The following SGCZ variants were observed in gnomAD, a reference collection of about 807,000 sequenced individuals.
The protein encoded by SGCZ is sarcoglycan zeta.
A neutral mutation model predicts 41.3 loss-of-function variants in SGCZ; 40 were observed. The observed-to-expected ratio is 0.97, with a 90% confidence interval of 0.75 to 1.26. SGCZ has a LOEUF of 1.26. SGCZ is among the 50% of genes most tolerant of loss of function. The probability of loss-of-function intolerance (pLI) is 0.00; values close to 1 mark genes in which losing one functional copy is unlikely to be tolerated. For synonymous variants in SGCZ, 206 were observed against 137.5 expected (o/e 1.50, Z -3.49); for missense variants, 552 against 369.8 (o/e 1.49, Z -4.04).
chr8:15,071,718 C>A (rs1805355633), intron 1 of SGCZ, among the ~76,000 whole-genome samples: 1 of 152,052 alleles, frequency 6.6e-6, no homozygotes, highest in Admixed American at 6.6e-5. Flanking sequence ...AAAATAAAGA[C>A]CAGCTTTTGT....
At chr8:15,182,190 G>C (rs928078268) in intron 1 of SGCZ, among the ~76,000 whole-genome samples, 1 of 152,110 alleles carries the variant, frequency 6.6e-6, no homozygotes, top group South Asian at 2.1e-4. Flanking sequence ...TGTTTTTCCA[G>C]ATGCCAATAA....
chr8:14,608,873 T>A (rs529848140), intron 1 of SGCZ, among the ~76,000 whole-genome samples: 1 of 152,290 alleles, frequency 6.6e-6, no homozygotes, highest in Admixed American at 6.5e-5. Flanking sequence ...AAGGTCCAAC[T>A]TTTTCTAAGA....
intron 1 of SGCZ, among the ~76,000 whole-genome samples, chr8:14,932,674 T>C (rs902169130): frequency 2.6e-5 from 4 of 152,030 alleles, no homozygotes; most frequent in African/African-American, 9.7e-5. Context: ...TAGTGTAGGA[T>C]TGTGGATCCA....
At chr8:14,161,459 T>C (rs1400432498) in intron 5 of SGCZ, 2 of 152,156 alleles carry the variant, frequency 1.3e-5, no homozygotes, top group Non-Finnish European at 2.9e-5. Context: ...GACACAGAAA[T>C]GTGATTGGAT....
intron 1 of SGCZ, among the ~76,000 whole-genome samples, chr8:14,607,699 A>T (rs756757917): frequency 6.6e-6 from 1 of 152,208 alleles, no homozygotes; most frequent in Non-Finnish European, 1.5e-5. Context: ...AACTCGTGGG[A>T]TCTACACAAT....
rs551931894 is a variant in SGCZ at position 14,122,145 on chromosome 8, C to T, written c.548-13910G>A. ...ACAAAAAAATAGCCGCGCATGGCGG[C>T]AGGCGCCTGTAGTCCCAGCTACTCG... On this transcript the variant is annotated intron_variant, in intron 5 of 7. Coordinates refer to ENST00000382080, the MANE Select transcript of SGCZ (RefSeq NM_139167.4). Among the ~76,000 whole-genome samples the T allele has an allele frequency of 7.8e-3, 1,192 of 152,272 alleles. 16 individuals carry two copies. The highest frequency in any genetic ancestry group is 0.027 in the African/African-American group (1,136 of 41,554).
chr8:14,388,580 G>A (rs10100855), intron 2 of SGCZ, among the ~76,000 whole-genome samples: 55,236 of 151,766 alleles, frequency 0.36, 11,025 homozygotes, highest in African/African-American at 0.54. Context: ...TTTATGGTAC[G>A]AGAACTTCAA....
chr8:14,337,379 C>G (rs2081667), intron 2 of SGCZ, among the ~76,000 whole-genome samples: 107,931 of 151,900 alleles, frequency 0.71, 38,810 homozygotes, highest in South Asian at 0.86. Context: ...ATCAGCAAGA[C>G]GAGGGAGAGA....
At chr8:14,749,814 G>A (rs1489442846) in intron 1 of SGCZ, among the ~76,000 whole-genome samples, 2 of 151,698 alleles carry the variant, frequency 1.3e-5, no homozygotes, top group African/African-American at 2.4e-5. Flanking sequence ...ACTGGAAGAC[G>A]GAATTTTTAA....
intron 2 of SGCZ, among the ~76,000 whole-genome samples, chr8:14,453,684 C>A (rs116043441): frequency 0.021 from 3,168 of 152,288 alleles, 108 homozygotes; most frequent in African/African-American, 0.07. Flanking sequence ...AAGCAGCATG[C>A]TAATCCCTAC....
chr8:14,784,372 T>C (rs1393284859), intron 1 of SGCZ, among the ~76,000 whole-genome samples: 1 of 150,754 alleles, frequency 6.6e-6, no homozygotes, highest in Non-Finnish European at 1.5e-5. Flanking sequence ...TATGTATATA[T>C]ATGCATCTTA....
intron 1 of SGCZ, among the ~76,000 whole-genome samples, chr8:14,811,276 A>G (rs917570501): frequency 1.3e-5 from 2 of 152,010 alleles, no homozygotes; most frequent in Admixed American, 1.3e-4. Flanking sequence ...CTTACAATAA[A>G]AATTTATTCC....
At chr8:14,258,882 C>T (rs1799555775) in intron 3 of SGCZ, among the ~76,000 whole-genome samples, 1 of 152,148 alleles carries the variant, frequency 6.6e-6, no homozygotes, top group Non-Finnish European at 1.5e-5. Context: ...TTCATGCTTG[C>T]AACTAACTTC....
intron 3 of SGCZ, among the ~76,000 whole-genome samples, chr8:14,303,601 C>T (rs928483087): frequency 1.8e-4 from 28 of 152,138 alleles, no homozygotes; most frequent in African/African-American, 5.8e-4. Context: ...ATATTACAAC[C>T]GAATGACTCT....
chr8:15,000,099 C>T (rs1170569025), intron 1 of SGCZ, among the ~76,000 whole-genome samples: 2 of 152,108 alleles, frequency 1.3e-5, no homozygotes, highest in Non-Finnish European at 2.9e-5. Context: ...GAAAATAGGA[C>T]ACCCAAAGAG....
chr8:14,477,170 C>G (rs78746102), intron 2 of SGCZ, among the ~76,000 whole-genome samples: 2 of 152,024 alleles, frequency 1.3e-5, no homozygotes, highest in Admixed American at 6.5e-5. Flanking sequence ...TTATAAACAT[C>G]AATATTTAAC....
At chr8:14,621,171 A>G (rs180775599) in intron 1 of SGCZ, among the ~76,000 whole-genome samples, 1 of 151,606 alleles carries the variant, frequency 6.6e-6, no homozygotes. Flanking sequence ...CATCATTCTC[A>G]GCAAACTATC....
At chr8:14,514,501 A>G (rs1407170567) in intron 2 of SGCZ, among the ~76,000 whole-genome samples, 1 of 151,822 alleles carries the variant, frequency 6.6e-6, no homozygotes, top group African/African-American at 2.4e-5. Flanking sequence ...TTTGATAGCT[A>G]GTACATGAGG....
At position 14,936,787 on chromosome 8, in the gene SGCZ, A is replaced by T. The variant is rs1164181019; in HGVS notation, c.39+300798T>A. Reference sequence around the variant, plus strand: ...GTGTTTGAAAATGAGATTCGAAATTATGAAGAAAGTGTAACTAATGATTCA... The same window carrying T: ...GTGTTTGAAAATGAGATTCGAAATTTTGAAGAAAGTGTAACTAATGATTCA... On this transcript the variant is annotated intron_variant, in intron 1 of 7. Coordinates refer to ENST00000382080, the MANE Select transcript of SGCZ (RefSeq NM_139167.4). Among the ~76,000 whole-genome samples the T allele has an allele frequency of 2.0e-5, 3 of 151,928 alleles. No homozygotes were observed. In the South Asian group the frequency reaches 6.2e-4, roughly 31 times the overall value.
Sources: gnomAD v4.1 joint callset for allele counts (sites outside exome capture counted in the v4.1 genomes callset) on GRCh38, gnomAD v4.1.1 for gene constraint, MANE v1.5 for transcripts, NCBI Gene and HGNC (gene_info 2026-07-23, HGNC 2026-07-21) for gene names.